The following DOCK5 variants were observed in gnomAD, a reference collection of about 807,000 sequenced individuals.
DOCK5 encodes dedicator of cytokinesis 5.
In DOCK5, 142 loss-of-function variants were observed where a neutral mutation model predicts 251.8. The ratio of observed to expected loss-of-function variants is 0.56; its 90% confidence interval spans 0.49 to 0.65. The LOEUF is 0.65. Among genes scored for constraint, DOCK5 ranks in the 30% least tolerant of loss-of-function variants. DOCK5 has a pLI of 0.00. For synonymous variants in DOCK5, 842 were observed against 835.5 expected (o/e 1.01, Z -0.13); for missense variants, 2,111 against 2,312.3 (o/e 0.91, Z 1.79).
intron 28 of DOCK5, among the ~76,000 whole-genome samples, chr8:25,360,906 G>A (rs906665627): frequency 2.6e-5 from 4 of 152,136 alleles, no homozygotes; most frequent in African/African-American, 9.7e-5. Flanking sequence ...TGCCAGCATG[G>A]TGTTGAGCTC....
intron 1 of DOCK5, among the ~76,000 whole-genome samples, chr8:25,217,583 C>T (rs1389809514): frequency 6.6e-6 from 1 of 152,118 alleles, no homozygotes; most frequent in Non-Finnish European, 1.5e-5. Flanking sequence ...TCCAGTGGCA[C>T]AGAAGTCAGC....
rs148299250 is a variant in DOCK5 at position 25,200,142 on chromosome 8, T to C, written c.43+15191T>C. 4.7e-4 allele frequency among the ~76,000 whole-genome samples: 72 copies of C among 152,368 alleles called. 1 individual carries two copies. Among genetic ancestry groups the C allele is most frequent in the African/African-American group, 1.4e-3 (59 of 41,594 alleles). ...GAGTAACTGAAATGGCAATGTGCTG[T>C]ATCTTATCATAATACTTTGGAGTTC... On this transcript the variant is annotated intron_variant, in intron 1 of 51. Transcript: ENST00000276440.
chr8:25,324,610 ATTC>A (rs1421960863), intron 17 of DOCK5, among the ~76,000 whole-genome samples: 1 of 152,144 alleles, frequency 6.6e-6, no homozygotes, highest in Non-Finnish European at 1.5e-5. Flanking sequence ...TGGCAAGCTA[ATTC>A]TTCTTCCATC....
intron 2 of DOCK5, among the ~76,000 whole-genome samples, chr8:25,256,436 C>G (rs967485141): frequency 6.6e-6 from 1 of 151,902 alleles, no homozygotes; most frequent in African/African-American, 2.4e-5. Context: ...GTTAGGAGTT[C>G]AAGACCAGCC....
At chr8:25,270,227 C>G (rs1274349269) in intron 3 of DOCK5, among the ~76,000 whole-genome samples, 1 of 152,092 alleles carries the variant, frequency 6.6e-6, no homozygotes, top group Non-Finnish European at 1.5e-5. Context: ...TATTTCAAAC[C>G]AAATTATTTT....
At chr8:25,310,634 C>A in intron 13 of DOCK5, 102 bp downstream of exon 13, 1 of 1,380,888 alleles carries the variant, frequency 7.2e-7, no homozygotes, top group Non-Finnish European at 9.6e-7. Flanking sequence ...TGGTTATTTA[C>A]ATTCATTGGT....
intron 15 of DOCK5, 73 bp downstream of exon 15, chr8:25,319,749 A>C (rs1011473): frequency 2.7e-6 from 3 of 1,112,686 alleles, no homozygotes; most frequent in African/African-American, 1.6e-5. Context: ...GTTTACCCCC[A>C]AATTATTCCT....
At chr8:25,208,781 G>C (rs948824121) in intron 1 of DOCK5, among the ~76,000 whole-genome samples, 2 of 152,142 alleles carry the variant, frequency 1.3e-5, no homozygotes, top group African/African-American at 4.8e-5. Context: ...TCCTAGGTAT[G>C]CCTATATAGC....
intron 3 of DOCK5, chr8:25,270,926 C>T (rs988932467): frequency 4.8e-6 from 3 of 624,258 alleles, no homozygotes; most frequent in Admixed American, 4.3e-5. Flanking sequence ...ATTTATAATA[C>T]CTAATACAAT....
chr8:25,372,185 G>A (rs1305909459), intron 34 of DOCK5, among the ~76,000 whole-genome samples: 1 of 152,192 alleles, frequency 6.6e-6, no homozygotes. Context: ...CAACTAATTA[G>A]AGTCCTCACA....
chr8:25,300,761 A>G, intron 9 of DOCK5, 104 bp downstream of exon 9: 2 of 1,242,880 alleles, frequency 1.6e-6, no homozygotes, highest in Non-Finnish European at 1.1e-6. Flanking sequence ...GAAAGGAAAA[A>G]TCATCAATCT....
At chr8:25,399,532 A>G (rs1801401457) in intron 45 of DOCK5, among the ~76,000 whole-genome samples, 2 of 152,238 alleles carry the variant, frequency 1.3e-5, no homozygotes. Context: ...TCTTTCCCTT[A>G]TAATATCTAT....
At chr8:25,344,307 A>G (rs577749190) in intron 25 of DOCK5, among the ~76,000 whole-genome samples, 1 of 152,356 alleles carries the variant, frequency 6.6e-6, no homozygotes, top group South Asian at 2.1e-4. Context: ...GGCCTTCCCA[A>G]TAAACTCAAG....
At chr8:25,281,889 G>GAAAAAAAAAAAAAAAAAAAAAAAAAAAAA in intron 5 of DOCK5, among the ~76,000 whole-genome samples, 1 of 127,134 alleles carries the variant, frequency 7.9e-6, no homozygotes, top group Non-Finnish European at 1.6e-5. Flanking sequence ...AAAAAAAAAA[G>GAAAAAAAAAAAAAAAAAAAAAAAAAAAAA]AAAAAAAAAA....
At chr8:25,231,740 A>C (rs1270001987) in intron 1 of DOCK5, among the ~76,000 whole-genome samples, 1 of 152,202 alleles carries the variant, frequency 6.6e-6, no homozygotes, top group Non-Finnish European at 1.5e-5. Context: ...GAGCGATTCA[A>C]GCAGATATCT....
At position 25,335,809 on chromosome 8, in the gene DOCK5, T is replaced by A. The variant is rs547051675; in HGVS notation, c.2193-430T>A. The stretch of plus-strand genomic sequence containing the variant: ...CATAAAGTTTCTATCTGGCTCCATA[T>A]TGATGGATCCCAATGGGTTGAGGCA... On this transcript the variant is annotated intron_variant, in intron 21 of 51. Coordinates refer to ENST00000276440, the MANE Select transcript of DOCK5 (RefSeq NM_024940.8). Among the ~76,000 whole-genome samples the A allele has an allele frequency of 2.0e-5, 3 of 152,298 alleles. No individual in the cohort carries two copies. The South Asian group carries it at 6.2e-4, about 32-fold the overall frequency.
chr8:25,237,720 C>T (rs1429668574), intron 1 of DOCK5, among the ~76,000 whole-genome samples: 2 of 152,292 alleles, frequency 1.3e-5, no homozygotes, highest in East Asian at 1.9e-4. Context: ...CAGCAACTCC[C>T]GGTTCTTGTT....
chr8:25,277,815 A>T (rs752290748), intron 4 of DOCK5, among the ~76,000 whole-genome samples: 6 of 152,194 alleles, frequency 3.9e-5, no homozygotes, highest in Non-Finnish European at 7.4e-5. Flanking sequence ...ATTCTAAAAA[A>T]TCTTACTATA....
intron 27 of DOCK5, among the ~76,000 whole-genome samples, chr8:25,352,385 A>G (rs956467927): frequency 6.6e-6 from 1 of 152,152 alleles, no homozygotes; most frequent in African/African-American, 2.4e-5. Context: ...AAACATTTTA[A>G]AGAACCTGTG....
Sources: allele counts gnomAD v4.1 joint callset (sites outside exome capture counted in the v4.1 genomes callset), GRCh38; gene constraint gnomAD v4.1.1; transcripts MANE v1.5; gene names NCBI Gene and HGNC (gene_info 2026-07-23, HGNC 2026-07-21).